Variants in MS4A4E observed in about 807,000 individuals in gnomAD.
MS4A4E encodes putative membrane-spanning 4-domains subfamily A member 4E.
In MS4A4E, 23 loss-of-function variants were observed where a neutral mutation model predicts 13.3. The observed-to-expected ratio is 1.73, with a 90% CI of 1.25 to 2.45. The LOEUF (loss-of-function observed/expected upper bound fraction) is 2.45. Among genes scored for constraint, MS4A4E ranks in the 30% most tolerant of loss-of-function variants. MS4A4E has a pLI of 0.00. For synonymous variants in MS4A4E, 36 were observed against 45.6 expected, an observed-to-expected ratio of 0.79 and a Z score of 0.85; for missense variants, 144 against 131.2, an observed-to-expected ratio of 1.10 and a Z score of -0.48.
chr11:60,230,043 G>T lies in MS4A4E; in HGVS notation c.13C>A (p.Gln5Lys). 1.3e-6 allele frequency: 2 copies of T among 1,591,646 alleles called. No homozygotes were observed. Among genetic ancestry groups the T allele is most frequent in the Non-Finnish European group, 1.7e-6 (2 of 1,171,800 alleles). Residue 5 changes from glutamine (Q) to lysine (K), a missense_variant, in exon 2 of 9, where the codon CAA (glutamine) becomes AAA (lysine). Transcript: ENST00000651255. ...CCTGGAGTGGTCTGTTCCATTCCTT[G>T]CATGGTTGTCATGGCAGCAGAAAAG... MTTM[Q>K]GMEQTTPGAG...
intron 1 of MS4A4E, among the ~76,000 whole-genome samples, chr11:60,238,763 A>G (rs1279241026): frequency 6.6e-6 from 1 of 152,164 alleles, no homozygotes; most frequent in African/African-American, 2.4e-5. Context: ...ACTGAGCCCT[A>G]TAGATTCACA....
chr11:60,210,275 C>T (rs991541070), intron 5 of MS4A4E, among the ~76,000 whole-genome samples: 42 of 152,288 alleles, frequency 2.8e-4, no homozygotes, highest in African/African-American at 9.6e-4. Context: ...TGCAGGTGCC[C>T]AGGCAAGAAT....
chr11:60,236,439 T>A (rs920538491), intron 1 of MS4A4E, among the ~76,000 whole-genome samples: 142 of 150,162 alleles, frequency 9.5e-4, no homozygotes, highest in African/African-American at 3.1e-3. Context: ...TGAATATGAG[T>A]TTTTTTTCAT....
intron 3 of MS4A4E, among the ~76,000 whole-genome samples, chr11:60,219,720 C>A (rs866095687): frequency 3.3e-5 from 5 of 152,278 alleles, no homozygotes; most frequent in Non-Finnish European, 5.9e-5. Context: ...AGACCTCTGG[C>A]CTTTTACCAG....
At chr11:60,203,560 G>A (rs559742411) in intron 8 of MS4A4E, among the ~76,000 whole-genome samples, 26 of 152,198 alleles carry the variant, frequency 1.7e-4, no homozygotes, top group African/African-American at 6.0e-4. Flanking sequence ...ACCATCCTGA[G>A]CAACATGGCG....
chr11:60,222,222 A>G (rs1343833904), intron 3 of MS4A4E, among the ~76,000 whole-genome samples: 1 of 152,224 alleles, frequency 6.6e-6, no homozygotes, highest in Admixed American at 6.5e-5. Flanking sequence ...GGGTTTGCCT[A>G]TCCTGCACAC....
chr11:60,240,279 C>T (rs1454801320), intron 1 of MS4A4E, among the ~76,000 whole-genome samples: 4 of 152,152 alleles, frequency 2.6e-5, no homozygotes, highest in Non-Finnish European at 4.4e-5. Flanking sequence ...CGTTACATAC[C>T]TTCTATGCTC....
In MS4A4E at chr11:60,229,652, G is replaced by T. The variant is rs553011174; in HGVS notation, c.144+260C>A. Among the ~76,000 whole-genome samples, 15 of 152,254 alleles carry T rather than the reference G, an allele frequency of 9.9e-5. No individual in the cohort carries two copies. The East Asian group carries it at 2.3e-3, about 23-fold the overall frequency. On this transcript the variant is annotated intron_variant, in intron 2 of 8. Transcript: ENST00000651255. The stretch of plus-strand genomic sequence containing the variant: ...TCTTTTGCCGTTCTTCTATATTGAA[G>T]TTAAATATAATTATCATGGCTGACC...
At chr11:60,206,483 A>ACATG (rs2084045213) in intron 6 of MS4A4E, among the ~76,000 whole-genome samples, 1 of 5,782 alleles carries the variant, frequency 1.7e-4, no homozygotes, top group Admixed American at 4.6e-3. Flanking sequence ...ACATATATAT[A>ACATG]TATATGTATA....
intron 3 of MS4A4E, among the ~76,000 whole-genome samples, chr11:60,221,420 C>T (rs1399897197): frequency 1.3e-5 from 2 of 151,934 alleles, no homozygotes; most frequent in African/African-American, 4.8e-5. Context: ...CCAGCCTGCA[C>T]TGATGGTCTC....
At chr11:60,220,501 G>A (rs1302982209) in intron 3 of MS4A4E, among the ~76,000 whole-genome samples, 4 of 152,118 alleles carry the variant, frequency 2.6e-5, no homozygotes, top group African/African-American at 7.2e-5. Context: ...TTTGTGTCAT[G>A]ACCTTGTTCA....
At chr11:60,234,035 G>A (rs2084448941) in intron 1 of MS4A4E, among the ~76,000 whole-genome samples, 1 of 152,138 alleles carries the variant, frequency 6.6e-6, no homozygotes, top group Admixed American at 6.5e-5. Flanking sequence ...TTGGATTTTG[G>A]ACTCACTTGA....
chr11:60,201,725 C>G lies in MS4A4E; in HGVS notation c.814G>C (p.Val272Leu), dbSNP rs113550747. 1,363 of 238,968 alleles carry G rather than the reference C, an allele frequency of 5.7e-3. 17 individuals are homozygous for G. Among genetic ancestry groups the G allele is most frequent in the African/African-American group, 0.03 (1,255 of 42,066 alleles). The allele number at this position is 238,968 out of a possible 1,614,324, so 14.8% of individuals were successfully genotyped here. The change falls in exon 9 of 9, where the codon GTC becomes CTC. Residue 272 changes from valine (V) to leucine (L), a missense_variant. Around this residue, in one of 3 missense-constraint regions of MS4A4E, gnomAD observed 21 missense variants for 25.1 expected, o/e 0.84. Coordinates refer to ENST00000651255, the MANE Select transcript of MS4A4E (RefSeq NM_001393391.1). ...CAGACGATAGGCGGCCAGGCAGAGA[C>G]GCTCCTCACTTCCCAGACGGGGTGG... ...GRHPVWEVRS[V>L]SAWPPIVWDV...
chr11:60,242,923 T>C (rs1323937582), intron 1 of MS4A4E, 35 bp downstream of exon 1: 7 of 1,492,582 alleles, frequency 4.7e-6, no homozygotes, highest in Non-Finnish European at 5.5e-6. Flanking sequence ...AAACTATCAG[T>C]CCGAGAGCCT....
intron 2 of MS4A4E, 124 bp from the exon 3 acceptor site, chr11:60,228,751 A>C (rs1017447071): frequency 6.5e-6 from 3 of 461,856 alleles, no homozygotes; most frequent in Non-Finnish European, 1.1e-5. Flanking sequence ...AATATTATTC[A>C]GTACTAAAAA....
chr11:60,209,926 C>G (rs1032702818), intron 5 of MS4A4E, among the ~76,000 whole-genome samples: 4 of 152,218 alleles, frequency 2.6e-5, no homozygotes, highest in African/African-American at 9.6e-5. Flanking sequence ...CCTTCAACAG[C>G]TGTAGCGGCC....
Position 60,230,043 on chromosome 11 carries a change from G to C in MS4A4E, c.13C>G (p.Gln5Glu), listed in dbSNP as rs756529471. 12 of 1,591,528 alleles carry C rather than the reference G, an allele frequency of 7.5e-6. No homozygotes were observed. In the South Asian group the frequency reaches 1.4e-4, roughly 18 times the overall value. MTTM[Q>E]GMEQTTPGAG... ...CCTGGAGTGGTCTGTTCCATTCCTTGCATGGTTGTCATGGCAGCAGAAAAG... is the reference window on the plus strand; with the variant it reads ...CCTGGAGTGGTCTGTTCCATTCCTTCCATGGTTGTCATGGCAGCAGAAAAG... The change falls in exon 2 of 9, where the codon CAA (glutamine) becomes GAA (glutamate). Residue 5 changes from glutamine to glutamate, a missense_variant. Physicochemically the swap from Gln to Glu is conservative, Grantham distance 29. Coordinates refer to ENST00000651255, the MANE Select transcript of MS4A4E (RefSeq NM_001393391.1).
intron 1 of MS4A4E, among the ~76,000 whole-genome samples, chr11:60,242,538 T>C (rs1390451729): frequency 1.3e-5 from 2 of 152,192 alleles, no homozygotes; most frequent in African/African-American, 4.8e-5. Flanking sequence ...AGATCTTTTC[T>C]TAAGTCTTGA....
chr11:60,225,028 A>G (rs1476837573), intron 3 of MS4A4E: 2 of 1,560,264 alleles, frequency 1.3e-6, no homozygotes, highest in Admixed American at 3.6e-5. Flanking sequence ...CATAAGAACT[A>G]AATGCAACAC....
Sources: gnomAD v4.1 joint callset for allele counts (sites outside exome capture counted in the v4.1 genomes callset) on GRCh38, gnomAD v4.1.1 for gene constraint, gnomAD v4.1.1 regional missense constraint, MANE v1.5 for transcripts, NCBI Gene and HGNC (gene_info 2026-07-23, HGNC 2026-07-21) for gene names.